Variants in PARVA observed in about 807,000 individuals in gnomAD.
PARVA encodes the protein parvin alpha, also known as alpha-parvin.
PARVA carries 25 observed loss-of-function variants against 52.6 expected under a neutral mutation model. The ratio of observed to expected loss-of-function variants is 0.48; its 90% CI spans 0.35 to 0.66. The LOEUF (loss-of-function observed/expected upper bound fraction) is 0.66. PARVA is among the 30% of genes least tolerant of loss of function. The pLI is 0.01. For missense variants in PARVA, 373 were observed against 450.9 expected, an observed-to-expected ratio of 0.83 and a Z score of 1.56; for synonymous variants, 185 against 179.1, an observed-to-expected ratio of 1.03 and a Z score of -0.26.
At chr11:12,522,291 T>C (rs1484345602) in intron 12 of PARVA, among the ~76,000 whole-genome samples, 4 of 152,190 alleles carry the variant, frequency 2.6e-5, no homozygotes, top group African/African-American at 9.7e-5. Context: ...TTCTAGTTAC[T>C]GTAGCCTGAA....
chr11:12,473,420 G>A (rs1940959995), intron 1 of PARVA, among the ~76,000 whole-genome samples: 1 of 152,180 alleles, frequency 6.6e-6, no homozygotes, highest in South Asian at 2.1e-4. Context: ...GCAGGAGGTA[G>A]AGACTCAGAA....
intron 4 of PARVA, chr11:12,478,727 A>C (rs1200804054): frequency 6.6e-6 from 1 of 152,546 alleles, no homozygotes; most frequent in African/African-American, 2.4e-5. Context: ...ACCCATTTCT[A>C]CCTCTCCTGA....
Position 12,377,803 on chromosome 11 carries a change from C to CCGGG in PARVA, c.136+28_136+31dup. The CCGGG allele has an allele frequency of 1.4e-6, 2 of 1,473,640 alleles. No individual in the cohort carries two copies. Among genetic ancestry groups the CCGGG allele is most frequent in the Non-Finnish European group, 1.8e-6 (2 of 1,112,740 alleles). The allele number at this position is 1,473,640 out of a possible 1,614,324, so 91.3% of individuals were successfully genotyped here. On this transcript the variant is annotated intron_variant, in intron 1 of 12. Coordinates refer to ENST00000334956, the MANE Select transcript of PARVA (RefSeq NM_018222.5). ...AGGAGGGTGAGTGCGGCCAGGCCGGCCGGGCGGGCGGTAGGAGCCGGGGGT... is the reference window on the plus strand; with the variant it reads ...AGGAGGGTGAGTGCGGCCAGGCCGGCCGGGCGGGCGGGCGGTAGGAGCCGGGGGT...
chr11:12,392,896 G>T (rs1001939100), intron 1 of PARVA, among the ~76,000 whole-genome samples: 1 of 152,024 alleles, frequency 6.6e-6, no homozygotes, highest in Admixed American at 6.6e-5. Flanking sequence ...GAGACATGCT[G>T]CATCTTGTAT....
At chr11:12,474,052 T>A in intron 3 of PARVA, 69 bp downstream of exon 3, 2 of 1,250,918 alleles carry the variant, frequency 1.6e-6, no homozygotes, top group Non-Finnish European at 2.3e-6. Context: ...CCACCTGCTC[T>A]GTGCAGGTAC....
At chr11:12,479,374 C>T (rs1386610516) in intron 4 of PARVA, 1 of 151,944 alleles carries the variant, frequency 6.6e-6, no homozygotes, top group Non-Finnish European at 1.5e-5. Flanking sequence ...ATGATCTTGG[C>T]TTATTGCAGT....
chr11:12,447,064 T>C (rs1940557312), intron 1 of PARVA, among the ~76,000 whole-genome samples: 1 of 152,218 alleles, frequency 6.6e-6, no homozygotes, highest in Non-Finnish European at 1.5e-5. Context: ...GGCACCTGGC[T>C]GTAACAGGTG....
intron 3 of PARVA, 36 bp from the exon 4 acceptor site, chr11:12,477,811 C>G (rs191742716): frequency 1.8e-6 from 2 of 1,098,050 alleles, no homozygotes; most frequent in Non-Finnish European, 2.8e-6. Context: ...TAACTCTTTT[C>G]TTACTATTGC....
Position 12,387,423 on chromosome 11 carries a change from TTAAC to T in PARVA, c.136+9646_136+9649del, listed in dbSNP as rs1165766955. 4.6e-5 allele frequency among the ~76,000 whole-genome samples: 7 copies of T among 152,276 alleles called. No individual in the cohort carries two copies. The East Asian group carries it at 1.2e-3, about 25-fold the overall frequency. On this transcript the variant is annotated intron_variant, in intron 1 of 12. Transcript: ENST00000334956. ...TAACCAGTGCTCCCTAAAATGCTTC[TTAAC>T]TAACTGTCTGAATCATCACTGGGCA...
intron 1 of PARVA, among the ~76,000 whole-genome samples, chr11:12,407,188 A>G (rs557899821): frequency 1.3e-4 from 20 of 152,252 alleles, no homozygotes; most frequent in African/African-American, 4.8e-4. Flanking sequence ...ATCAAAGCAG[A>G]TTCACTGTTT....
intron 1 of PARVA, among the ~76,000 whole-genome samples, chr11:12,418,196 G>A (rs559151474): frequency 1.3e-5 from 2 of 152,336 alleles, no homozygotes; most frequent in African/African-American, 2.4e-5. Flanking sequence ...TGAGGTGGAA[G>A]TGGGTCATTG....
At chr11:12,413,499 G>A (rs555628862) in intron 1 of PARVA, among the ~76,000 whole-genome samples, 1 of 152,278 alleles carries the variant, frequency 6.6e-6, no homozygotes, top group East Asian at 1.9e-4. Flanking sequence ...AAATACAGAG[G>A]GATGTCTGCT....
intron 4 of PARVA, among the ~76,000 whole-genome samples, chr11:12,491,095 G>A (rs1317534043): frequency 6.6e-6 from 1 of 152,126 alleles, no homozygotes; most frequent in African/African-American, 2.4e-5. Context: ...GTGAATCCAA[G>A]TATACTGGTA....
At chr11:12,492,089 C>T (rs796447792) in intron 4 of PARVA, among the ~76,000 whole-genome samples, 3 of 152,138 alleles carry the variant, frequency 2.0e-5, no homozygotes, top group Admixed American at 6.6e-5. Flanking sequence ...AGGGTGGTTA[C>T]GTTAATATAG....
intron 3 of PARVA, among the ~76,000 whole-genome samples, chr11:12,475,796 C>A (rs774645737): frequency 6.6e-6 from 1 of 152,222 alleles, no homozygotes; most frequent in Non-Finnish European, 1.5e-5. Context: ...ACAACCGGAG[C>A]CTCACAGGCA....
At chr11:12,498,232 C>G (rs567957762) in intron 5 of PARVA, among the ~76,000 whole-genome samples, 2 of 152,090 alleles carry the variant, frequency 1.3e-5, no homozygotes, top group African/African-American at 4.8e-5. Flanking sequence ...GACAGGGTTT[C>G]ACCATGTTGC....
chr11:12,415,984 C>A (rs951296925), intron 1 of PARVA, among the ~76,000 whole-genome samples: 4 of 152,174 alleles, frequency 2.6e-5, no homozygotes, highest in Non-Finnish European at 5.9e-5. Flanking sequence ...TTATTGGGGG[C>A]AGAAAGTTTG....
intron 1 of PARVA, among the ~76,000 whole-genome samples, chr11:12,463,066 C>CA (rs34743332): frequency 0.25 from 36,666 of 147,150 alleles, 5,369 homozygotes; most frequent in Middle Eastern, 0.34. Context: ...TTAGATCTAC[C>CA]AAAAAAAAAA....
chr11:12,419,293 C>T (rs1280789680), intron 1 of PARVA, among the ~76,000 whole-genome samples: 1 of 152,062 alleles, frequency 6.6e-6, no homozygotes, highest in East Asian at 1.9e-4. Context: ...CCCCCAGGCC[C>T]CAGCAGCCAA....
Sources: allele counts gnomAD v4.1 joint callset (sites outside exome capture counted in the v4.1 genomes callset), GRCh38; gene constraint gnomAD v4.1.1; transcripts MANE v1.5; gene names NCBI Gene and HGNC (gene_info 2026-07-23, HGNC 2026-07-21).